The following SAMMSON variants were observed in gnomAD, a reference collection of about 807,000 sequenced individuals.
The protein encoded by SAMMSON is survival associated mitochondrial melanoma specific oncogenic non-coding RNA.
chr3:70,044,744 C>A (rs2067117747), intron 3 of SAMMSON, among the ~76,000 whole-genome samples: 1 of 150,898 alleles, frequency 6.6e-6, no homozygotes, highest in South Asian at 2.1e-4. Flanking sequence ...CATTGATATA[C>A]TTACAATATA....
At chr3:70,162,833 G>A (rs1314739883) in intron 4 of SAMMSON, among the ~76,000 whole-genome samples, 1 of 151,762 alleles carries the variant, frequency 6.6e-6, no homozygotes, top group Non-Finnish European at 1.5e-5. Context: ...ATGCACATAT[G>A]TTTATAACTG....
rs538516363 is a variant in SAMMSON at position 70,101,486 on chromosome 3, T to C, written n.507+29921T>C. Among the ~76,000 whole-genome samples, 4 of 152,286 alleles carry C rather than the reference T, an allele frequency of 2.6e-5. No individual in the cohort carries two copies. In the East Asian group the frequency reaches 7.7e-4, roughly 29 times the overall value. On this transcript the variant is annotated intron_variant and non_coding_transcript_variant, in intron 4 of 9. Transcript: ENST00000642114. Reference sequence around the variant, plus strand: ...TTGTTTACATATAGGTTTATTTTGATGCTGGATGAGGCCATCCCAAGTGCA... The same window carrying C: ...TTGTTTACATATAGGTTTATTTTGACGCTGGATGAGGCCATCCCAAGTGCA...
intron 4 of SAMMSON, among the ~76,000 whole-genome samples, chr3:70,213,117 C>G (rs928043196): frequency 6.6e-5 from 10 of 151,970 alleles, no homozygotes. Context: ...CCTTCATTCT[C>G]TCTCCCTCCT....
At chr3:70,251,827 G>A (rs1701772113) in intron 6 of SAMMSON, among the ~76,000 whole-genome samples, 1 of 152,202 alleles carries the variant, frequency 6.6e-6, no homozygotes, top group South Asian at 2.1e-4. Context: ...ATTCAGATTA[G>A]CCAAACTGCA....
chr3:70,098,003 A>G (rs927571691), intron 4 of SAMMSON, among the ~76,000 whole-genome samples: 2 of 152,244 alleles, frequency 1.3e-5, no homozygotes, highest in African/African-American at 4.8e-5. Flanking sequence ...GAAAGGTTAA[A>G]TTAGCTTTTT....
chr3:70,349,930 T>G (rs901386073), intron 7 of SAMMSON, among the ~76,000 whole-genome samples: 1 of 151,014 alleles, frequency 6.6e-6, no homozygotes, highest in Non-Finnish European at 1.5e-5. Flanking sequence ...GTGAAGTATG[T>G]TTTTTTTTGA....
chr3:70,163,121 A>C (rs1255101814), intron 4 of SAMMSON, among the ~76,000 whole-genome samples: 1 of 151,226 alleles, frequency 6.6e-6, no homozygotes, highest in African/African-American at 2.4e-5. Flanking sequence ...TTTTGATTGG[A>C]TGCTTAATCT....
At chr3:70,278,999 C>T (rs551212865) in intron 6 of SAMMSON, among the ~76,000 whole-genome samples, 4 of 151,046 alleles carry the variant, frequency 2.6e-5, no homozygotes, top group African/African-American at 7.3e-5. Flanking sequence ...TGAGAAAATC[C>T]GTCTATATGT....
intron 7 of SAMMSON, among the ~76,000 whole-genome samples, chr3:70,342,737 A>G (rs572236334): frequency 2.6e-5 from 4 of 152,290 alleles, no homozygotes; most frequent in Non-Finnish European, 1.5e-5. Context: ...GACAGTCAGT[A>G]TTGCCTGAAG....
chr3:70,094,139 C>T (rs1340822877), intron 4 of SAMMSON, among the ~76,000 whole-genome samples: 2 of 152,098 alleles, frequency 1.3e-5, no homozygotes, highest in Admixed American at 6.6e-5. Flanking sequence ...TTGATCTCTC[C>T]TCTCACCTTC....
intron 2 of SAMMSON, among the ~76,000 whole-genome samples, chr3:70,415,382 G>C (rs1014664036): frequency 2.0e-5 from 3 of 152,078 alleles, no homozygotes; most frequent in African/African-American, 7.2e-5. Flanking sequence ...AATCACAAAG[G>C]AAAAATGTCT....
At chr3:70,308,657 G>A (rs1463287995) in intron 7 of SAMMSON, among the ~76,000 whole-genome samples, 2 of 152,150 alleles carry the variant, frequency 1.3e-5, no homozygotes, top group Non-Finnish European at 2.9e-5. Context: ...GTCCTTGAGT[G>A]CAGGAGAGTA....
chr3:70,056,783 A>T (rs867381039), intron 3 of SAMMSON, among the ~76,000 whole-genome samples: 9 of 152,008 alleles, frequency 5.9e-5, no homozygotes, highest in Non-Finnish European at 1.2e-4. Context: ...CCTAATCCAG[A>T]TACTCTTTCC....
At chr3:70,364,244 T>A (rs1702901371) in intron 9 of SAMMSON, among the ~76,000 whole-genome samples, 1 of 151,914 alleles carries the variant, frequency 6.6e-6, no homozygotes, top group Non-Finnish European at 1.5e-5. Flanking sequence ...CTCTGGCAGT[T>A]TCATCAATAA....
chr3:70,006,787 TCCCTCCC>T (rs1487253171), intron 1 of SAMMSON, among the ~76,000 whole-genome samples: 1 of 132,712 alleles, frequency 7.5e-6, no homozygotes, highest in African/African-American at 2.8e-5. Context: ...GTTAATGCTA[TCCCTCCC>T]CCCTCCCCCC....
chr3:70,303,533 G>A (rs569922921), intron 7 of SAMMSON, among the ~76,000 whole-genome samples: 1 of 152,240 alleles, frequency 6.6e-6, no homozygotes, highest in South Asian at 2.1e-4. Flanking sequence ...CTTCTAGATT[G>A]TGAGCTACTC....
At chr3:70,170,579 C>CTTTTTTTTTTTTTTTTT (rs538385626) in intron 4 of SAMMSON, among the ~76,000 whole-genome samples, 55 of 105,478 alleles carry the variant, frequency 5.2e-4, no homozygotes, top group Non-Finnish European at 6.7e-4. Flanking sequence ...CTAGATTTTC[C>CTTTTTTTTTTTTTTTTT]TTTTTTTTTT....
chr3:70,095,630 T>C (rs2067320512), intron 4 of SAMMSON, among the ~76,000 whole-genome samples: 1 of 152,196 alleles, frequency 6.6e-6, no homozygotes, highest in African/African-American at 2.4e-5. Context: ...ACCTGAGCAC[T>C]CAATTTCTGT....
chr3:70,190,025 C>G (rs576872444), intron 4 of SAMMSON, among the ~76,000 whole-genome samples: 1 of 152,228 alleles, frequency 6.6e-6, no homozygotes, highest in South Asian at 2.1e-4. Context: ...GTGTGCAGAG[C>G]AGCAGAAGGC....
Sources: gnomAD v4.1 joint callset for allele counts (sites outside exome capture counted in the v4.1 genomes callset) on GRCh38, gnomAD v4.1.1 for gene constraint, MANE v1.5 for transcripts, NCBI Gene and HGNC (gene_info 2026-07-23, HGNC 2026-07-21) for gene names.